RREB1: variants seen among roughly 807,000 people sequenced by gnomAD.
RREB1 encodes the protein ras-responsive element-binding protein 1.
RREB1 carries 27 observed loss-of-function variants against 117.8 expected under a neutral mutation model. That is an observed-to-expected ratio of 0.23 (90% CI 0.17 to 0.32). The LOEUF (loss-of-function observed/expected upper bound fraction) is 0.32, where lower values mean the gene tolerates loss of function less well. Ranked by LOEUF, RREB1 falls within the 10% of genes least tolerant of loss-of-function variation. The probability of loss-of-function intolerance (pLI) is 1.00; values close to 1 mark genes in which losing one functional copy is unlikely to be tolerated. For synonymous variants in RREB1, 1,298 were observed against 1,026.7 expected, an observed-to-expected ratio of 1.26 and a Z score of -5.05; for missense variants, 2,577 against 2,378.2, an observed-to-expected ratio of 1.08 and a Z score of -1.74.
chr6:7,126,596 T>G (rs1761944654), intron 1 of RREB1, among the ~76,000 whole-genome samples: 1 of 152,190 alleles, frequency 6.6e-6, no homozygotes, highest in South Asian at 2.1e-4. Context: ...TAACAGAGAA[T>G]TACGTCTTGT....
At chr6:7,236,601 A>G (rs780150686) in intron 10 of RREB1, among the ~76,000 whole-genome samples, 3 of 152,190 alleles carry the variant, frequency 2.0e-5, no homozygotes, top group Non-Finnish European at 4.4e-5. Flanking sequence ...AGCAATGGAG[A>G]GAAGGCTGGG....
At chr6:7,149,889 A>T (rs964131021) in intron 1 of RREB1, among the ~76,000 whole-genome samples, 1 of 151,750 alleles carries the variant, frequency 6.6e-6, no homozygotes, top group South Asian at 2.1e-4. Context: ...GGGTTTCACC[A>T]TGTTGGCCAG....
At chr6:7,172,637 C>T (rs1223783983) in intron 1 of RREB1, among the ~76,000 whole-genome samples, 2 of 151,950 alleles carry the variant, frequency 1.3e-5, no homozygotes, top group Non-Finnish European at 2.9e-5. Context: ...GTGTAGGGGC[C>T]TGCTCTAAGG....
At chr6:7,117,471 C>T (rs532050500) in intron 1 of RREB1, among the ~76,000 whole-genome samples, 7 of 131,568 alleles carry the variant, frequency 5.3e-5, no homozygotes, top group Non-Finnish European at 1.1e-4. Context: ...AGTGCAATGG[C>T]GCAGTCTTGG....
intron 6 of RREB1, among the ~76,000 whole-genome samples, chr6:7,195,364 A>G (rs1765616042): frequency 6.6e-6 from 1 of 152,182 alleles, no homozygotes; most frequent in Non-Finnish European, 1.5e-5. Context: ...AAAAATTATA[A>G]AAATGTGAGA....
chr6:7,220,317 A>T (rs1767172847), intron 8 of RREB1, among the ~76,000 whole-genome samples: 1 of 152,204 alleles, frequency 6.6e-6, no homozygotes, highest in Non-Finnish European at 1.5e-5. Context: ...TGGAGTTCAC[A>T]TATGCTAAGC....
At chr6:7,164,693 A>C (rs1305150841) in intron 1 of RREB1, among the ~76,000 whole-genome samples, 1 of 152,228 alleles carries the variant, frequency 6.6e-6, no homozygotes, top group Non-Finnish European at 1.5e-5. Flanking sequence ...AGTGCCAGGC[A>C]GATGGAAGTG....
At chr6:7,218,404 G>A (rs1387632301) in intron 8 of RREB1, 1 of 150,590 alleles carries the variant, frequency 6.6e-6, no homozygotes. Context: ...GGAGAGTTAA[G>A]GTCGCCAGAT....
rs4053178 is a variant in RREB1 at position 7,249,062 on chromosome 6, T to TGAGAGAGA, written c.*129_*136dup. On this transcript the variant is annotated 3_prime_UTR_variant, in exon 13 of 13. Transcript: ENST00000379938. Reference sequence around the variant, plus strand: ...TCAGTGCCCTTTGGCTGTTGAGGAGTGAGAGAGAGAGAGAGAGAGAGAGAG... The same window carrying TGAGAGAGA: ...TCAGTGCCCTTTGGCTGTTGAGGAGTGAGAGAGAGAGAGAGAGAGAGAGAGAGAGAGAG... The TGAGAGAGA allele has an allele frequency of 1.5e-3, 856 of 568,084 alleles. 7 individuals are homozygous for TGAGAGAGA. The highest frequency in any genetic ancestry group is 0.011 in the African/African-American group (570 of 49,598). The allele number at this position is 568,084 out of a possible 1,614,324, so 35.2% of individuals were successfully genotyped here.
chr6:7,159,516 G>A (rs147552051), intron 1 of RREB1, among the ~76,000 whole-genome samples: 83 of 152,258 alleles, frequency 5.5e-4, no homozygotes, highest in Non-Finnish European at 8.4e-4. Flanking sequence ...GGCACTGGGC[G>A]GATTGCTTTA....
chr6:7,242,896 T>C (rs1221707269), intron 11 of RREB1, among the ~76,000 whole-genome samples: 2 of 152,196 alleles, frequency 1.3e-5, no homozygotes, highest in Admixed American at 6.5e-5. Context: ...CCATTTTGAA[T>C]ATTCAAATTT....
At chr6:7,166,610 A>T (rs78486849) in intron 1 of RREB1, among the ~76,000 whole-genome samples, 4,582 of 152,240 alleles carry the variant, frequency 0.03, 175 homozygotes, top group African/African-American at 0.085. Context: ...CCACTTTTCC[A>T]ATGGGCGAGG....
At chr6:7,139,425 G>A (rs1762471155) in intron 1 of RREB1, 1 of 152,194 alleles carries the variant, frequency 6.6e-6, no homozygotes, top group Non-Finnish European at 1.5e-5. Context: ...AATATACTTT[G>A]AGTGAATGTA....
chr6:7,205,845 A>T (rs923218925), intron 6 of RREB1, among the ~76,000 whole-genome samples: 4 of 152,292 alleles, frequency 2.6e-5, no homozygotes, highest in African/African-American at 9.6e-5. Flanking sequence ...AAATGATTAC[A>T]CTTGTGGGAG....
At chr6:7,109,787 CG>C (rs961263347) in intron 1 of RREB1, among the ~76,000 whole-genome samples, 22 of 152,268 alleles carry the variant, frequency 1.4e-4, no homozygotes, top group Non-Finnish European at 3.2e-4. Flanking sequence ...AGCACACATT[CG>C]GGGCACTTTG....
intron 6 of RREB1, among the ~76,000 whole-genome samples, chr6:7,209,572 C>CTTTTT (rs397961662): frequency 7.7e-6 from 1 of 129,336 alleles, no homozygotes; most frequent in African/African-American, 3.0e-5. Flanking sequence ...TATTTCTTTC[C>CTTTTT]TTTTTTTTTT....
intron 1 of RREB1, among the ~76,000 whole-genome samples, chr6:7,156,946 A>G (rs1278632637): frequency 6.6e-6 from 1 of 152,198 alleles, no homozygotes; most frequent in East Asian, 1.9e-4. Context: ...AAGCTGACCA[A>G]GAGCTGCCCC....
At chr6:7,211,508 C>A in intron 7 of RREB1, 65 bp from the exon 8 acceptor site, 2 of 1,441,434 alleles carry the variant, frequency 1.4e-6, no homozygotes, top group Non-Finnish European at 1.9e-6. Context: ...TTAGCATTGG[C>A]CTCTCTTCCG....
chr6:7,133,374 C>G (rs1253142975), intron 1 of RREB1, among the ~76,000 whole-genome samples: 1 of 152,100 alleles, frequency 6.6e-6, no homozygotes, highest in Non-Finnish European at 1.5e-5. Context: ...AATAATCCAC[C>G]AAGAGCCAAT....
Sources: gnomAD v4.1 joint callset for allele counts (sites outside exome capture counted in the v4.1 genomes callset) on GRCh38, gnomAD v4.1.1 for gene constraint, MANE v1.5 for transcripts, NCBI Gene and HGNC (gene_info 2026-07-23, HGNC 2026-07-21) for gene names.